The following SPAG16 variants were observed in gnomAD, a reference collection of about 807,000 sequenced individuals.
SPAG16 encodes sperm associated antigen 16, also known as sperm-associated antigen 16 protein.
Under a neutral mutation model 80.4 loss-of-function variants are expected in SPAG16, and 86 were observed. The ratio of observed to expected loss-of-function variants is 1.07; its 90% confidence interval spans 0.90 to 1.28. The LOEUF is 1.28. Among genes scored for constraint, SPAG16 ranks in the 50% most tolerant of loss-of-function variants. SPAG16 has a pLI of 0.00. For synonymous variants in SPAG16, 294 were observed against 265.9 expected (o/e 1.11, Z -1.03); for missense variants, 870 against 765.3 (o/e 1.14, Z -1.61).
chr2:213,428,523 G>A (rs961560239), intron 9 of SPAG16, among the ~76,000 whole-genome samples: 1 of 152,170 alleles, frequency 6.6e-6, no homozygotes. Flanking sequence ...ACAGGGGATT[G>A]TAATGCTGGG....
intron 10 of SPAG16, among the ~76,000 whole-genome samples, chr2:213,630,776 G>A (rs2062120811): frequency 6.6e-6 from 1 of 152,140 alleles, no homozygotes; most frequent in Non-Finnish European, 1.5e-5. Context: ...ACTAGTACCT[G>A]GAAGAACAAT....
At chr2:213,487,842 C>G (rs2125717329) in intron 9 of SPAG16, among the ~76,000 whole-genome samples, 1 of 151,884 alleles carries the variant, frequency 6.6e-6, no homozygotes, top group South Asian at 2.1e-4. Flanking sequence ...AGTAATTTAC[C>G]CTTCCCCTAT....
At chr2:214,004,693 A>G (rs1365354534) in intron 12 of SPAG16, among the ~76,000 whole-genome samples, 2 of 151,660 alleles carry the variant, frequency 1.3e-5, no homozygotes, top group Non-Finnish European at 1.5e-5. Context: ...TTCCCCAGGC[A>G]GGATCTTAAA....
At chr2:214,135,878 G>C (rs1430306100) in intron 14 of SPAG16, among the ~76,000 whole-genome samples, 3 of 152,100 alleles carry the variant, frequency 2.0e-5, no homozygotes, top group African/African-American at 7.2e-5. Context: ...ATAGTCTGCC[G>C]ACTGCAGGAA....
chr2:214,354,314 T>C (rs1029406773), intron 15 of SPAG16, among the ~76,000 whole-genome samples: 71 of 152,142 alleles, frequency 4.7e-4, no homozygotes, highest in Non-Finnish European at 8.5e-4. Flanking sequence ...GTTGTAGGTA[T>C]GCAGCATTAT....
chr2:214,218,943 G>A (rs942405296), intron 15 of SPAG16, among the ~76,000 whole-genome samples: 1 of 152,118 alleles, frequency 6.6e-6, no homozygotes, highest in African/African-American at 2.4e-5. Context: ...TTTTGAAGGG[G>A]TTTTGTTGTT....
intron 12 of SPAG16, among the ~76,000 whole-genome samples, chr2:213,984,394 A>G (rs891353688): frequency 4.6e-5 from 7 of 152,152 alleles, no homozygotes; most frequent in African/African-American, 1.4e-4. Context: ...GCTATGCAGT[A>G]TATCAGAGCC....
intron 15 of SPAG16, among the ~76,000 whole-genome samples, chr2:214,306,197 G>A (rs1367608034): frequency 6.6e-6 from 1 of 152,092 alleles, no homozygotes; most frequent in East Asian, 1.9e-4. Context: ...TGGTGTATTG[G>A]AATGATAGTG....
At chr2:213,949,142 G>A (rs1345625363) in intron 12 of SPAG16, among the ~76,000 whole-genome samples, 1 of 146,846 alleles carries the variant, frequency 6.8e-6, no homozygotes, top group Non-Finnish European at 1.5e-5. Flanking sequence ...TCATTTTAAG[G>A]AGCAGAGACA....
At chr2:213,311,452 T>A (rs2063182256) in intron 4 of SPAG16, among the ~76,000 whole-genome samples, 1 of 151,650 alleles carries the variant, frequency 6.6e-6, no homozygotes, top group African/African-American at 2.4e-5. Context: ...TGGATCCAAG[T>A]ATACTGTTAA....
chr2:213,959,231 G>A (rs1010344296), intron 12 of SPAG16, among the ~76,000 whole-genome samples: 3 of 151,936 alleles, frequency 2.0e-5, no homozygotes, highest in Non-Finnish European at 2.9e-5. Context: ...TCTCAGTGTG[G>A]TCTCTTTGAT....
intron 13 of SPAG16, among the ~76,000 whole-genome samples, chr2:214,074,067 T>C (rs1576075541): frequency 6.6e-6 from 1 of 152,148 alleles, no homozygotes; most frequent in African/African-American, 2.4e-5. Flanking sequence ...ACGCAAATCA[T>C]ATTAGTGCCC....
intron 10 of SPAG16, among the ~76,000 whole-genome samples, chr2:213,803,674 A>G (rs890204075): frequency 6.6e-6 from 1 of 152,242 alleles, no homozygotes; most frequent in East Asian, 1.9e-4. Flanking sequence ...TAGCACCAAA[A>G]GACTACTGAA....
chr2:213,805,714 C>A (rs1027152555), intron 10 of SPAG16, among the ~76,000 whole-genome samples: 1 of 152,114 alleles, frequency 6.6e-6, no homozygotes, highest in Non-Finnish European at 1.5e-5. Flanking sequence ...GATTCTCTGA[C>A]ACATAATTAC....
intron 10 of SPAG16, among the ~76,000 whole-genome samples, chr2:213,799,305 C>T (rs1022857743): frequency 1.3e-5 from 2 of 151,862 alleles, no homozygotes; most frequent in Non-Finnish European, 2.9e-5. Flanking sequence ...AAATTTATTC[C>T]TAAATATTTT....
At chr2:213,681,689 A>C (rs2064392629) in intron 10 of SPAG16, among the ~76,000 whole-genome samples, 1 of 152,198 alleles carries the variant, frequency 6.6e-6, no homozygotes, top group Admixed American at 6.5e-5. Flanking sequence ...TTTCCTCATC[A>C]AGGAAAGATG....
intron 10 of SPAG16, among the ~76,000 whole-genome samples, chr2:213,560,741 T>A (rs1182875781): frequency 2.0e-5 from 3 of 152,214 alleles, no homozygotes; most frequent in Non-Finnish European, 4.4e-5. Flanking sequence ...CACTTCCTAC[T>A]CCTTAAGAGT....
At chr2:214,242,029 C>T (rs1689533152) in intron 15 of SPAG16, among the ~76,000 whole-genome samples, 1 of 152,200 alleles carries the variant, frequency 6.6e-6, no homozygotes, top group Admixed American at 6.5e-5. Context: ...AATTAGTCAG[C>T]ACTTGGAAAA....
chr2:214,107,143 A>G (rs905960088), intron 13 of SPAG16, among the ~76,000 whole-genome samples: 4 of 152,032 alleles, frequency 2.6e-5, no homozygotes, highest in African/African-American at 9.7e-5. Flanking sequence ...CAAAATTCCT[A>G]CTATTACTAA....
Sources: allele counts gnomAD v4.1 joint callset (sites outside exome capture counted in the v4.1 genomes callset), GRCh38; gene constraint gnomAD v4.1.1; transcripts MANE v1.5; gene names NCBI Gene and HGNC (gene_info 2026-07-23, HGNC 2026-07-21).